The following HGFAC variants were observed in gnomAD, a reference collection of about 807,000 sequenced individuals.
The protein encoded by HGFAC is hepatocyte growth factor activator serine protease.
In HGFAC, 76 loss-of-function variants were observed where a neutral mutation model predicts 70.6. That is an observed-to-expected ratio of 1.08 (90% CI 0.89 to 1.30). HGFAC has a LOEUF of 1.30. Ranked by LOEUF, HGFAC falls within the 50% of genes most tolerant of loss-of-function variation. HGFAC has a pLI of 0.00. For synonymous variants in HGFAC, 464 were observed against 405.3 expected, an observed-to-expected ratio of 1.14 and a Z score of -1.74; for missense variants, 1,044 against 933.7, an observed-to-expected ratio of 1.12 and a Z score of -1.54.
At chr4:3,444,580 G>A (rs1577124731) in intron 6 of HGFAC, 43 bp from the exon 7 acceptor site, 1 of 1,535,276 alleles carries the variant, frequency 6.5e-7, no homozygotes, top group Non-Finnish European at 8.8e-7. Context: ...CTGTCGTGGG[G>A]CACTGCGCGG....
intron 4 of HGFAC, among the ~76,000 whole-genome samples, chr4:3,443,627 G>A (rs1021896168): frequency 1.3e-5 from 2 of 152,184 alleles, no homozygotes; most frequent in East Asian, 1.9e-4. Context: ...CGCGGCCATC[G>A]CTGGGGCCAA....
chr4:3,443,123 G>T lies in HGFAC; in HGVS notation c.372G>T (p.Ser124=). The T allele has an allele frequency of 6.3e-7, 1 of 1,580,318 alleles. No individual in the cohort carries two copies. Among genetic ancestry groups the T allele is most frequent in the Non-Finnish European group, 8.5e-7 (1 of 1,169,594 alleles). ...GCCGCATGCTGCATGCCTGCACTTC[G>T]GAGGGCAGTGCACACAGGAAGTGGT... is the stretch of plus-strand genomic sequence containing the variant. The part of the protein sequence containing the change: ...YGGRMLHACT[S]EGSAHRKWCA... Residue 124 remains serine (S), a synonymous_variant, in exon 3 of 14, where the codon TCG becomes TCT. Transcript: ENST00000382774.
Position 3,443,155 on chromosome 4 carries a change from G to C in HGFAC, c.395+9G>C. ...AGTGCACACAGGAAGTGGTGGGTCC[G>C]GGCAGCCGGGGCACCCGAGCTGGGG... is the stretch of plus-strand genomic sequence containing the variant. On this transcript the variant is annotated intron_variant, in intron 3 of 13. Coordinates refer to ENST00000382774, the MANE Select transcript of HGFAC (RefSeq NM_001528.4). 6.6e-7 allele frequency: 1 copy of C among 1,504,166 alleles called. No individual in the cohort carries two copies. The highest frequency in any genetic ancestry group is 8.9e-7 in the Non-Finnish European group (1 of 1,126,490). 93.2% of individuals were successfully genotyped at this position (1,504,166 alleles called of 1,614,324 possible).
chr4:3,445,736 C>A, intron 9 of HGFAC: 1 of 829,812 alleles, frequency 1.2e-6, no homozygotes, highest in Non-Finnish European at 1.9e-6. Flanking sequence ...CAGCCCGGGG[C>A]TCTCATGTGG....
chr4:3,443,314 C>A (rs1246517116), intron 3 of HGFAC, 27 bp from the exon 4 acceptor site: 1 of 1,534,094 alleles, frequency 6.5e-7, no homozygotes, highest in Non-Finnish European at 8.8e-7. Context: ...GCCTGGGACC[C>A]CCATGCACGC....
At position 3,442,772 on chromosome 4, in the gene HGFAC, C is replaced by G. The variant is rs975216065; in HGVS notation, c.158C>G (p.Pro53Arg). 1.3e-6 allele frequency: 2 copies of G among 1,536,574 alleles called. No homozygotes were observed. The highest frequency in any genetic ancestry group is 8.7e-7 in the Non-Finnish European group (1 of 1,143,780). ...ESPEPNATATPAIPTILVTSV... is the reference protein window; with the variant it reads ...ESPEPNATATRAIPTILVTSV... ...CCAGAACCTAATGCCACAGCGACCCCTGCGATCCCCACTATCCTGGTGACC... is the reference window on the plus strand; with the variant it reads ...CCAGAACCTAATGCCACAGCGACCCGTGCGATCCCCACTATCCTGGTGACC... The change falls in exon 2 of 14, where the codon CCT becomes CGT. Residue 53 changes from proline to arginine, a missense_variant. Coordinates refer to ENST00000382774, the MANE Select transcript of HGFAC (RefSeq NM_001528.4).
Position 3,442,919 on chromosome 4 carries a change from C to G in HGFAC, c.298+7C>G, listed in dbSNP as rs1725363458. Reference sequence around the variant, plus strand: ...AGTAGCCCCCAGGCCCAAGGTGGGTCAGGTGGGCCTGGGAGGAGGTGTCGT... The same window carrying G: ...AGTAGCCCCCAGGCCCAAGGTGGGTGAGGTGGGCCTGGGAGGAGGTGTCGT... On this transcript the variant is annotated splice_region_variant and intron_variant, in intron 2 of 13. Transcript: ENST00000382774. The G allele has an allele frequency of 1.3e-6, 2 of 1,562,286 alleles. No homozygotes were observed. The highest frequency in any genetic ancestry group is 1.7e-6 in the Non-Finnish European group (2 of 1,154,990).
rs374846787 is a variant in HGFAC at position 3,449,349 on chromosome 4, G to A, written c.1898G>A (p.Arg633His). The A allele has an allele frequency of 1.7e-5, 28 of 1,610,746 alleles. No homozygotes were observed. The highest frequency in any genetic ancestry group is 5.3e-5 in the African/African-American group (4 of 74,852). ...CTCCACAAGCCGGGGGTCTACACCC[G>A]CGTGGCCAACTATGTGGACTGGATC... ...GRLHKPGVYTRVANYVDWIND... is the reference protein window; with the variant it reads ...GRLHKPGVYTHVANYVDWIND... Residue 633 changes from arginine to histidine, a missense_variant, in exon 14 of 14, where the codon CGC (arginine) becomes CAC (histidine). By Grantham distance (29) the Arg-to-His change is conservative. Coordinates refer to ENST00000382774, the MANE Select transcript of HGFAC (RefSeq NM_001528.4).
At position 3,445,269 on chromosome 4, in the gene HGFAC, C is replaced by G; in HGVS notation, c.1021C>G (p.Pro341Ala). Residue 341 changes from proline (P) to alanine (A), a missense_variant, in exon 9 of 14, where the codon CCG (proline) becomes GCG (alanine). Coordinates refer to ENST00000382774, the MANE Select transcript of HGFAC (RefSeq NM_001528.4). ...GCCCCCACTTATGCACCGCAGGAAT[C>G]CGGACAATGACGAGAGGCCCTGGTG... The part of the protein sequence containing the change: ...GLGPHAYCRN[P>A]DNDERPWCYV... The G allele has an allele frequency of 6.3e-7, 1 of 1,576,010 alleles. No individual in the cohort carries two copies. Among genetic ancestry groups the G allele is most frequent in the Non-Finnish European group, 8.6e-7 (1 of 1,161,664 alleles).
chr4:3,447,938 C>T lies in HGFAC; in HGVS notation c.1539C>T (p.Arg513=), dbSNP rs767870601. The change falls in exon 12 of 14, where the codon CGC becomes CGT. Residue 513 remains arginine (R), a synonymous_variant. Transcript: ENST00000382774. ...AGAAAGGGGACCGCTGTGCCACACG[C>T]TCGCAGTTCGTGCAGCCCATCTGCC... is the stretch of plus-strand genomic sequence containing the variant. ...LKKKGDRCAT[R]SQFVQPICLP... 2 of 1,607,446 alleles carry T rather than the reference C, an allele frequency of 1.2e-6. No homozygotes were observed. The highest frequency in any genetic ancestry group is 1.1e-5 in the South Asian group (1 of 89,980).
rs559562335 is a variant in HGFAC, at chr4:3,445,379, G to A, written c.1102+29G>A. 7.1e-5 allele frequency: 106 copies of A among 1,492,832 alleles called. No individual in the cohort carries two copies. In the South Asian group the frequency reaches 1.0e-3, roughly 14 times the overall value. 92.5% of individuals were successfully genotyped at this position (1,492,832 alleles called of 1,614,324 possible). Reference sequence around the variant, plus strand: ...CGCGGCTGGCGGGGGGTGCTGCCTTGGGCCCCACCGAGGTCACAGCAGTTT... The same window carrying A: ...CGCGGCTGGCGGGGGGTGCTGCCTTAGGCCCCACCGAGGTCACAGCAGTTT... On this transcript the variant is annotated intron_variant, in intron 9 of 13. Transcript: ENST00000382774.
chr4:3,445,596 G>A, intron 9 of HGFAC: 2 of 604,066 alleles, frequency 3.3e-6, no homozygotes, highest in South Asian at 2.0e-5. Context: ...TGCCCAGCCT[G>A]GACCATGCCC....
Position 3,448,159 on chromosome 4 carries a change from G to GCCCTGGTCCCCCTGCGGGAA in HGFAC, c.1668_1669insCCCTGGTCCCCCTGCGGGAA (p.Ala557ProfsTer122), listed in dbSNP as rs1560194865. 6.3e-7 allele frequency: 1 copy of GCCCTGGTCCCCCTGCGGGAA among 1,596,930 alleles called. No individual in the cohort carries two copies. The highest frequency in any genetic ancestry group is 1.7e-5 in the Admixed American group (1 of 58,072). ...GCGGCTACTCCAGCTCCCTGCGGGA[G>GCCCTGGTCCCCCTGCGGGAA]GCCCTGGTCCCCCTGGTCGCCGACC... On this transcript the variant is annotated frameshift_variant, in exon 13 of 14. Transcript: ENST00000382774. LOFTEE classifies it high-confidence loss of function.
intron 8 of HGFAC, 75 bp from the exon 9 acceptor site, chr4:3,445,190 G>T: frequency 7.2e-7 from 1 of 1,379,756 alleles, no homozygotes; most frequent in Non-Finnish European, 1.0e-6. Context: ...CCTGCTGGGG[G>T]TTCCGATGCC....
intron 3 of HGFAC, 25 bp from the exon 4 acceptor site, chr4:3,443,316 C>G: frequency 1.3e-6 from 2 of 1,535,230 alleles, no homozygotes; most frequent in Non-Finnish European, 1.8e-6. Flanking sequence ...CTGGGACCCC[C>G]ATGCACGCAG....
intron 8 of HGFAC, 71 bp from the exon 9 acceptor site, chr4:3,445,194 C>G (rs562460119): frequency 7.2e-7 from 1 of 1,395,062 alleles, no homozygotes; most frequent in Non-Finnish European, 9.9e-7. Flanking sequence ...CTGGGGGTTC[C>G]GATGCCCCCT....
intron 4 of HGFAC, 59 bp from the exon 5 acceptor site, chr4:3,443,980 C>A: frequency 6.6e-7 from 1 of 1,513,620 alleles, no homozygotes; most frequent in South Asian, 1.3e-5. Context: ...CAGAGAATGT[C>A]ACAGAGGGAC....
At position 3,444,296 on chromosome 4, in the gene HGFAC, C is replaced by T. The variant is rs1465016787; in HGVS notation, c.599-15C>T. On this transcript the variant is annotated splice_polypyrimidine_tract_variant and intron_variant, in intron 5 of 13. Transcript: ENST00000382774. ...GCAGGTGGCAGGGTGTGAGGGCTTA[C>T]TGTGCACCCCTCAGAGAAATGCTTT... 6.3e-6 allele frequency: 10 copies of T among 1,580,134 alleles called. No individual in the cohort carries two copies. Among genetic ancestry groups the T allele is most frequent in the African/African-American group, 1.3e-5 (1 of 74,292 alleles).
chr4:3,449,093 C>T (rs1725635186), intron 13 of HGFAC, 144 bp from the exon 14 acceptor site: 3 of 718,792 alleles, frequency 4.2e-6, no homozygotes, highest in Non-Finnish European at 4.5e-6. Context: ...GAATGAGACA[C>T]CTTTTCATGA....
Sources: allele counts gnomAD v4.1 joint callset (sites outside exome capture counted in the v4.1 genomes callset), GRCh38; gene constraint gnomAD v4.1.1; transcripts MANE v1.5; gene names NCBI Gene and HGNC (gene_info 2026-07-23, HGNC 2026-07-21).